PLXNA4: variants seen among roughly 807,000 people sequenced by gnomAD.
PLXNA4 encodes plexin-A4.
PLXNA4 carries 44 observed loss-of-function variants against 191.8 expected under a neutral mutation model. The observed-to-expected ratio is 0.23, with a 90% CI of 0.18 to 0.29. PLXNA4 has a LOEUF of 0.29. Ranked by LOEUF, PLXNA4 falls within the 10% of genes least tolerant of loss-of-function variation. The pLI is 1.00. For synonymous variants in PLXNA4, 1,082 were observed against 1,009.5 expected (o/e 1.07, Z -1.36); for missense variants, 1,800 against 2,488.8 (o/e 0.72, Z 5.89).
intron 4 of PLXNA4, among the ~76,000 whole-genome samples, chr7:132,252,309 T>TG (rs1321794147): frequency 8.7e-6 from 1 of 115,324 alleles, no homozygotes; most frequent in African/African-American, 3.7e-5. Flanking sequence ...GTTTTTTTTT[T>TG]TTTTTTTTTT....
At chr7:132,518,320 G>C (rs180977458) in intron 1 of PLXNA4, among the ~76,000 whole-genome samples, 27 of 152,310 alleles carry the variant, frequency 1.8e-4, no homozygotes, top group Non-Finnish European at 3.1e-4. Flanking sequence ...CAAAGCAACT[G>C]TCTTCCCAAG....
chr7:132,518,418 G>A (rs1393691497), intron 1 of PLXNA4, among the ~76,000 whole-genome samples: 1 of 152,224 alleles, frequency 6.6e-6, no homozygotes, highest in Middle Eastern at 3.2e-3. Context: ...AGTCCAGAAA[G>A]CAGCAGTCCA....
At chr7:132,481,710 C>G (rs1311581270) in intron 3 of PLXNA4, among the ~76,000 whole-genome samples, 1 of 152,182 alleles carries the variant, frequency 6.6e-6, no homozygotes, top group African/African-American at 2.4e-5. Flanking sequence ...AGGCCAAAGG[C>G]AGAAGATATG....
intron 5 of PLXNA4, 45 bp downstream of exon 5, chr7:132,241,021 C>T: frequency 7.1e-7 from 1 of 1,407,804 alleles, no homozygotes; most frequent in Non-Finnish European, 9.8e-7. Flanking sequence ...AGGGAATTAC[C>T]AGGAGGAAGT....
At chr7:132,145,031 T>C in intron 29 of PLXNA4, 88 bp downstream of exon 29, 1 of 1,593,330 alleles carries the variant, frequency 6.3e-7, no homozygotes, top group Non-Finnish European at 8.6e-7. Flanking sequence ...CCAGCCCTTC[T>C]CCTGGAGGCC....
chr7:132,219,253 A>G (rs1333372177), intron 9 of PLXNA4, among the ~76,000 whole-genome samples: 2 of 152,214 alleles, frequency 1.3e-5, no homozygotes, highest in Admixed American at 1.3e-4. Context: ...GTGGAACTGC[A>G]GGCCCTGAGG....
At chr7:132,379,523 G>A (rs1804803602) in intron 3 of PLXNA4, among the ~76,000 whole-genome samples, 1 of 152,180 alleles carries the variant, frequency 6.6e-6, no homozygotes, top group Admixed American at 6.5e-5. Context: ...TTCCTCCATG[G>A]AAGCCTTTGT....
intron 3 of PLXNA4, among the ~76,000 whole-genome samples, chr7:132,412,149 A>G (rs1433070375): frequency 6.6e-6 from 1 of 152,212 alleles, no homozygotes; most frequent in African/African-American, 2.4e-5. Context: ...TTCCATTCTG[A>G]GTAGACCCCC....
chr7:132,306,111 G>A (rs1456957950), intron 3 of PLXNA4, among the ~76,000 whole-genome samples: 2 of 152,168 alleles, frequency 1.3e-5, no homozygotes, highest in Non-Finnish European at 2.9e-5. Flanking sequence ...AGGACAGAAG[G>A]AGGTCAGGCC....
intron 13 of PLXNA4, among the ~76,000 whole-genome samples, chr7:132,198,021 CA>C (rs1210207324): frequency 6.6e-6 from 1 of 152,086 alleles, no homozygotes; most frequent in East Asian, 1.9e-4. Flanking sequence ...TTCAGTGGGC[CA>C]GCAGACTTTC....
chr7:132,471,751 C>G (rs1262899485), intron 3 of PLXNA4, among the ~76,000 whole-genome samples: 1 of 152,198 alleles, frequency 6.6e-6, no homozygotes, highest in Non-Finnish European at 1.5e-5. Flanking sequence ...CTTTCAAACT[C>G]TGGTTCCCCC....
chr7:132,250,713 G>C (rs1223400161), intron 4 of PLXNA4, among the ~76,000 whole-genome samples: 1 of 152,216 alleles, frequency 6.6e-6, no homozygotes, highest in East Asian at 1.9e-4. Context: ...GGGATGAGAG[G>C]AGTGTTCTGG....
chr7:132,524,851 GC>G (rs1294208470), intron 1 of PLXNA4, among the ~76,000 whole-genome samples: 4 of 152,128 alleles, frequency 2.6e-5, no homozygotes, highest in Non-Finnish European at 5.9e-5. Flanking sequence ...ACAGGCATGA[GC>G]CATTGTGCCT....
chr7:132,604,604 G>A (rs1205420948), intron 2 of PLXNA4, among the ~76,000 whole-genome samples: 2 of 152,126 alleles, frequency 1.3e-5, no homozygotes, highest in Non-Finnish European at 2.9e-5. Flanking sequence ...AATTGGCCAA[G>A]AGATGCCACA....
At chr7:132,437,454 A>T (rs112736705) in intron 3 of PLXNA4, among the ~76,000 whole-genome samples, 1,679 of 152,230 alleles carry the variant, frequency 0.011, 18 homozygotes, top group Middle Eastern at 0.024. Flanking sequence ...TTACAAATGA[A>T]ACTGCAATCA....
intron 4 of PLXNA4, among the ~76,000 whole-genome samples, chr7:132,266,697 A>C (rs1172878266): frequency 6.6e-6 from 1 of 152,214 alleles, no homozygotes; most frequent in East Asian, 1.9e-4. Context: ...TGGTTTCTCC[A>C]ACCAGCAACG....
chr7:132,138,156 C>T (rs1345821596), intron 30 of PLXNA4, among the ~76,000 whole-genome samples: 1 of 152,116 alleles, frequency 6.6e-6, no homozygotes, highest in African/African-American at 2.4e-5. Flanking sequence ...AAGAGAGGAC[C>T]AGCCAGGGTA....
At chr7:132,427,406 T>C (rs1795086142) in intron 3 of PLXNA4, among the ~76,000 whole-genome samples, 1 of 152,156 alleles carries the variant, frequency 6.6e-6, no homozygotes, top group African/African-American at 2.4e-5. Flanking sequence ...TCTTCCTTTT[T>C]TCCTCCCCTC....
chr7:132,419,511 T>C (rs914874807), intron 3 of PLXNA4, among the ~76,000 whole-genome samples: 27 of 152,224 alleles, frequency 1.8e-4, no homozygotes, highest in African/African-American at 5.3e-4. Flanking sequence ...ACATGCTTAA[T>C]TGAAATAAAA....
Sources: allele counts gnomAD v4.1 joint callset (sites outside exome capture counted in the v4.1 genomes callset), GRCh38; gene constraint gnomAD v4.1.1; transcripts MANE v1.5; gene names NCBI Gene and HGNC (gene_info 2026-07-23, HGNC 2026-07-21).